APBB2: variants seen among roughly 807,000 people sequenced by gnomAD.
APBB2 encodes the protein Fe65-like 1.
Under a neutral mutation model 82.5 loss-of-function variants are expected in APBB2, and 38 were observed. That is an observed-to-expected ratio of 0.46 (90% CI 0.36 to 0.60). The LOEUF (loss-of-function observed/expected upper bound fraction) is 0.60, where lower values mean the gene tolerates loss of function less well. APBB2 is among the 20% of genes least tolerant of loss of function. The pLI is 0.00. For synonymous variants in APBB2, 341 were observed against 368.2 expected, an observed-to-expected ratio of 0.93 and a Z score of 0.85; for missense variants, 772 against 972.3, an observed-to-expected ratio of 0.79 and a Z score of 2.74.
At chr4:41,182,222 C>T (rs1172326896) in intron 1 of APBB2, among the ~76,000 whole-genome samples, 1 of 152,208 alleles carries the variant, frequency 6.6e-6, no homozygotes, top group Non-Finnish European at 1.5e-5. Context: ...TAAGCTCACT[C>T]CAATTAGGCT....
chr4:40,842,997 G>C (rs910910910), intron 12 of APBB2, among the ~76,000 whole-genome samples: 5 of 152,134 alleles, frequency 3.3e-5, no homozygotes, highest in Admixed American at 6.5e-5. Flanking sequence ...GGAACACAGT[G>C]CAAGTCTGGT....
intron 1 of APBB2, among the ~76,000 whole-genome samples, chr4:41,161,876 A>T (rs1765260328): frequency 6.6e-6 from 1 of 152,156 alleles, no homozygotes; most frequent in African/African-American, 2.4e-5. Context: ...AGAAACTTTC[A>T]AACACATACA....
At chr4:41,008,240 T>C (rs1807331091) in intron 6 of APBB2, among the ~76,000 whole-genome samples, 1 of 152,210 alleles carries the variant, frequency 6.6e-6, no homozygotes, top group African/African-American at 2.4e-5. Context: ...CAACAGGGTT[T>C]GGCACATTGT....
intron 4 of APBB2, among the ~76,000 whole-genome samples, chr4:41,054,155 A>G (rs539102191): frequency 7.9e-5 from 12 of 152,332 alleles, no homozygotes; most frequent in African/African-American, 2.9e-4. Context: ...TCATGGTGAC[A>G]TGAAGGCTGC....
At chr4:41,040,068 G>A (rs1720756534) in intron 4 of APBB2, among the ~76,000 whole-genome samples, 1 of 151,992 alleles carries the variant, frequency 6.6e-6, no homozygotes, top group Non-Finnish European at 1.5e-5. Flanking sequence ...AGTAGGCTGA[G>A]TCCAAGAATG....
intron 10 of APBB2, among the ~76,000 whole-genome samples, chr4:40,894,252 C>T (rs1224010170): frequency 6.6e-6 from 1 of 151,452 alleles, no homozygotes; most frequent in African/African-American, 2.4e-5. Context: ...CGCGCCACTG[C>T]ACTCCAGCCT....
chr4:41,063,072 C>T (rs1579686135), intron 4 of APBB2, among the ~76,000 whole-genome samples: 1 of 152,186 alleles, frequency 6.6e-6, no homozygotes, highest in Admixed American at 6.5e-5. Flanking sequence ...TGTGAAAGAA[C>T]GATGTTCTCA....
intron 3 of APBB2, among the ~76,000 whole-genome samples, chr4:41,078,625 T>C (rs151299846): frequency 6.6e-6 from 1 of 152,280 alleles, no homozygotes; most frequent in East Asian, 1.9e-4. Flanking sequence ...AGTTAACACA[T>C]GGTGAAGGGG....
At chr4:40,836,205 G>A (rs1304295076) in intron 12 of APBB2, among the ~76,000 whole-genome samples, 2 of 152,172 alleles carry the variant, frequency 1.3e-5, no homozygotes, top group Non-Finnish European at 2.9e-5. Flanking sequence ...GGCCGGGCGC[G>A]GTGGCTCATG....
intron 1 of APBB2, among the ~76,000 whole-genome samples, chr4:41,161,369 G>C (rs555563273): frequency 6.6e-6 from 1 of 152,262 alleles, no homozygotes; most frequent in Admixed American, 6.5e-5. Context: ...CACTTTGGGA[G>C]GCTGAGGTAG....
intron 1 of APBB2, among the ~76,000 whole-genome samples, chr4:41,168,748 G>C (rs557157338): frequency 6.6e-6 from 1 of 152,296 alleles, no homozygotes; most frequent in Non-Finnish European, 1.5e-5. Context: ...TCTTCAGTTA[G>C]GAAGATTACC....
chr4:40,944,478 T>C (rs937489801), intron 7 of APBB2, among the ~76,000 whole-genome samples: 31 of 152,326 alleles, frequency 2.0e-4, no homozygotes, highest in African/African-American at 7.5e-4. Context: ...AGATACGCAG[T>C]AATTATAATA....
intron 2 of APBB2, among the ~76,000 whole-genome samples, chr4:41,130,057 A>G (rs1755541725): frequency 3.9e-5 from 6 of 152,162 alleles, no homozygotes; most frequent in Admixed American, 2.0e-4. Context: ...ATCCAGGAGG[A>G]TATCTGGGGA....
intron 12 of APBB2, chr4:40,881,185 G>A (rs1182982498): frequency 2.0e-6 from 2 of 985,292 alleles, no homozygotes; most frequent in African/African-American, 3.5e-5. Context: ...CTGCATTAAA[G>A]AGAAATTAAC....
intron 1 of APBB2, among the ~76,000 whole-genome samples, chr4:41,208,828 G>A (rs920724903): frequency 1.3e-5 from 2 of 152,062 alleles, no homozygotes; most frequent in Admixed American, 6.5e-5. Context: ...TTCTCTTCTC[G>A]TATTTGTCCA....
At chr4:41,063,853 A>G (rs1373041772) in intron 4 of APBB2, among the ~76,000 whole-genome samples, 1 of 139,204 alleles carries the variant, frequency 7.2e-6, no homozygotes. Context: ...TAATTTTTGT[A>G]TTTTTTGTAG....
rs190377246 is a variant in APBB2, at chr4:41,062,653, T to A, written c.-51+2923A>T. Among the ~76,000 whole-genome samples the A allele has an allele frequency of 2.0e-3, 311 of 152,170 alleles. 12 individuals carry two copies. The highest frequency in any genetic ancestry group is 0.019 in the Admixed American group (290 of 15,282). ...CACACTCTAGTTCCAGGGAAGGGCA[T>A]TTCAGGCAATGTGTTATGCAGATGT... On this transcript the variant is annotated intron_variant, in intron 4 of 17. Transcript: ENST00000508593.
In APBB2 at chr4:41,102,710, C is replaced by T. The variant is rs149464438; in HGVS notation, c.-260-1960G>A. 2.5e-3 allele frequency among the ~76,000 whole-genome samples: 378 copies of T among 152,218 alleles called. 1 individual carries two copies. Among genetic ancestry groups the T allele is most frequent in the African/African-American group, 8.6e-3 (356 of 41,532 alleles). On this transcript the variant is annotated intron_variant, in intron 2 of 17. Coordinates refer to ENST00000508593, the MANE Select transcript of APBB2 (RefSeq NM_004307.2). ...CGACTCCATCTGATTTCAGGTAATC[C>T]GTCTGCCACCACTTCACAATAACTC...
chr4:41,202,392 A>AC (rs1776913474), intron 1 of APBB2, among the ~76,000 whole-genome samples: 1 of 152,154 alleles, frequency 6.6e-6, no homozygotes, highest in African/African-American at 2.4e-5. Context: ...TTAAAGAAAC[A>AC]CCCCTGAAAT....
Sources: allele counts gnomAD v4.1 joint callset (sites outside exome capture counted in the v4.1 genomes callset), GRCh38; gene constraint gnomAD v4.1.1; transcripts MANE v1.5; gene names NCBI Gene and HGNC (gene_info 2026-07-23, HGNC 2026-07-21).